Variants in MBNL2 observed in about 807,000 individuals in gnomAD.
The protein encoded by MBNL2 is muscleblind like splicing regulator 2.
A neutral mutation model predicts 41.9 loss-of-function variants in MBNL2; 17 were observed. The ratio of observed to expected loss-of-function variants is 0.41; its 90% confidence interval spans 0.28 to 0.61. The LOEUF is 0.61. MBNL2 is among the 20% of genes least tolerant of loss of function. The pLI is 0.35. For synonymous variants in MBNL2, 195 were observed against 182.9 expected (o/e 1.07, Z -0.53); for missense variants, 336 against 505.6 (o/e 0.66, Z 3.22).
chr13:97,372,679 A>ATTATG (rs2064503547), intron 8 of MBNL2, among the ~76,000 whole-genome samples: 1 of 152,000 alleles, frequency 6.6e-6, no homozygotes, highest in African/African-American at 2.4e-5. Flanking sequence ...CCAGACATAT[A>ATTATG]TTATGTTTTA....
chr13:97,231,643 G>A (rs746775273), intron 1 of MBNL2, among the ~76,000 whole-genome samples: 1 of 152,172 alleles, frequency 6.6e-6, no homozygotes, highest in Non-Finnish European at 1.5e-5. Flanking sequence ...TTCAGCAGCT[G>A]CAAGCAGTTC....
intron 1 of MBNL2, among the ~76,000 whole-genome samples, chr13:97,236,366 T>G (rs193086453): frequency 6.6e-6 from 1 of 152,166 alleles, no homozygotes; most frequent in Non-Finnish European, 1.5e-5. Flanking sequence ...AGGGGCATGC[T>G]TTCCCTTGGG....
intron 2 of MBNL2, among the ~76,000 whole-genome samples, chr13:97,315,990 C>T (rs779404811): frequency 1.3e-5 from 2 of 152,152 alleles, no homozygotes; most frequent in Non-Finnish European, 1.5e-5. Flanking sequence ...TTCTTTCATA[C>T]GCCAATGACT....
intron 2 of MBNL2, among the ~76,000 whole-genome samples, chr13:97,325,771 A>G (rs1334936259): frequency 6.6e-6 from 1 of 152,214 alleles, no homozygotes; most frequent in African/African-American, 2.4e-5. Context: ...TAAACATGCT[A>G]TGAAATGGCA....
At chr13:97,170,972 A>G in the MBNL2 span, among the ~76,000 whole-genome samples, 2 of 152,194 alleles carry the variant, frequency 1.3e-5, no homozygotes, top group Non-Finnish European at 2.9e-5. Context: ...AGCTGGATCA[A>G]ATCTCCTCCA....
Position 97,334,758 on chromosome 13 carries a change from T to C in MBNL2, c.339+318T>C, listed in dbSNP as rs2060735756. On this transcript the variant is annotated intron_variant, in intron 3 of 8. Transcript: ENST00000679496. This position sits in a 1 kb window ranked among gnomAD's most constrained non-coding sequence, Gnocchi z 5.3. ...TAACATGTTCATTTACAGTGTGAAT[T>C]AATAATCTATGTATCAATGAGTTTG... 6.6e-6 allele frequency among the ~76,000 whole-genome samples: 1 copy of C among 152,220 alleles called. No homozygotes were observed. The highest frequency in any genetic ancestry group is 2.4e-5 in the African/African-American group (1 of 41,456).
the MBNL2 span, among the ~76,000 whole-genome samples, chr13:97,144,371 T>C: frequency 6.6e-6 from 1 of 150,960 alleles, no homozygotes; most frequent in African/African-American, 2.4e-5. Flanking sequence ...ATCCCAGAAA[T>C]TGTGCATTAA....
At chr13:97,294,927 A>G (rs896746351) in intron 2 of MBNL2, among the ~76,000 whole-genome samples, 8 of 152,224 alleles carry the variant, frequency 5.3e-5, no homozygotes, top group Non-Finnish European at 8.8e-5. Context: ...GCAGAAGCCT[A>G]TAAGTCATTA....
chr13:97,164,320 T>C, the MBNL2 span, among the ~76,000 whole-genome samples: 15 of 152,232 alleles, frequency 9.9e-5, no homozygotes. Context: ...TTATATTTTA[T>C]CAAGGCATTA....
In MBNL2 at chr13:97,268,909, C is replaced by A. The variant is rs923373839; in HGVS notation, c.-604-6723C>A. On this transcript the variant is annotated intron_variant, in intron 1 of 8. Coordinates refer to ENST00000679496, the MANE Select transcript of MBNL2 (RefSeq NM_001382683.1). This position sits in a 1 kb window ranked among gnomAD's most constrained non-coding sequence, Gnocchi z 4.6. ...ATGACCAGGCAGTATTAAAGATGGG[C>A]TGTAGGAGAGGGTGTCAAAAGGGAA... is the stretch of plus-strand genomic sequence containing the variant. 2.6e-5 allele frequency among the ~76,000 whole-genome samples: 4 copies of A among 152,228 alleles called. No homozygotes were observed. Among genetic ancestry groups the A allele is most frequent in the African/African-American group, 9.6e-5 (4 of 41,518 alleles).
chr13:97,305,398 C>T (rs796702794), intron 2 of MBNL2, among the ~76,000 whole-genome samples: 4 of 152,236 alleles, frequency 2.6e-5, no homozygotes, highest in African/African-American at 9.6e-5. Flanking sequence ...ACATATCTAT[C>T]CCCAATACTC....
the MBNL2 span, among the ~76,000 whole-genome samples, chr13:97,202,790 C>A: frequency 6.6e-6 from 1 of 152,164 alleles, no homozygotes; most frequent in Non-Finnish European, 1.5e-5. Flanking sequence ...GAACCGTTAC[C>A]CAAATCAAAG....
chr13:97,262,868 A>G (rs2048908999), intron 1 of MBNL2, among the ~76,000 whole-genome samples: 1 of 152,036 alleles, frequency 6.6e-6, no homozygotes, highest in Non-Finnish European at 1.5e-5. Flanking sequence ...GGTTCAAGCA[A>G]TTCTCCTGCT....
intron 2 of MBNL2, among the ~76,000 whole-genome samples, chr13:97,321,404 G>A (rs1024058746): frequency 6.6e-6 from 1 of 152,100 alleles, no homozygotes; most frequent in Non-Finnish European, 1.5e-5. Context: ...CATTTAACAG[G>A]CTTGGGACAG....
chr13:97,351,023 G>A (rs532503456), intron 5 of MBNL2, among the ~76,000 whole-genome samples: 1 of 152,176 alleles, frequency 6.6e-6, no homozygotes, highest in Non-Finnish European at 1.5e-5. Context: ...TGTATTTCTC[G>A]ATTAATAAGA....
intron 5 of MBNL2, among the ~76,000 whole-genome samples, chr13:97,349,915 C>T (rs1012756993): frequency 3.9e-5 from 6 of 152,124 alleles, no homozygotes; most frequent in Non-Finnish European, 8.8e-5. Context: ...TTTATACCAG[C>T]TCTAATTAGG....
chr13:97,208,819 G>A, the MBNL2 span, among the ~76,000 whole-genome samples: 9 of 152,162 alleles, frequency 5.9e-5, no homozygotes, highest in Non-Finnish European at 1.0e-4. Flanking sequence ...TACAACTCCA[G>A]CGGTACATAT....
At chr13:97,215,636 G>GT in the MBNL2 span, among the ~76,000 whole-genome samples, 36 of 151,968 alleles carry the variant, frequency 2.4e-4, no homozygotes, top group African/African-American at 5.5e-4. Flanking sequence ...TAAGAAAAAT[G>GT]TTTTTTTTCA....
chr13:97,327,903 AAAGT>A (rs1225689084), intron 2 of MBNL2, among the ~76,000 whole-genome samples: 2 of 152,206 alleles, frequency 1.3e-5, no homozygotes, highest in Non-Finnish European at 2.9e-5. Context: ...CTATGAAAAG[AAAGT>A]GTCAATAGTA....
Sources: allele counts gnomAD v4.1 joint callset (sites outside exome capture counted in the v4.1 genomes callset), GRCh38; gene constraint gnomAD v4.1.1; non-coding constraint Gnocchi (gnomAD v3.1); transcripts MANE v1.5; gene names NCBI Gene and HGNC (gene_info 2026-07-23, HGNC 2026-07-21).